KPNB1: variants seen among roughly 807,000 people sequenced by gnomAD.
KPNB1 encodes karyopherin subunit beta 1, also known as importin subunit beta-1.
In KPNB1, 7 loss-of-function variants were observed where a neutral mutation model predicts 113.0. That is an observed-to-expected ratio of 0.06 (90% CI 0.04 to 0.12). The LOEUF is 0.12. Ranked by LOEUF, KPNB1 falls within the 10% of genes least tolerant of loss-of-function variation. The pLI is 1.00. For missense variants in KPNB1, 400 were observed against 1,054.8 expected (o/e 0.38, Z 8.60); for synonymous variants, 363 against 378.6 (o/e 0.96, Z 0.48).
chr17:47,650,717 G>T (rs1265446444), intron 2 of KPNB1, among the ~76,000 whole-genome samples: 1 of 152,220 alleles, frequency 6.6e-6, no homozygotes, highest in Non-Finnish European at 1.5e-5. Flanking sequence ...CGGCGGTGCA[G>T]CGGGAGGGAG....
intron 3 of KPNB1, among the ~76,000 whole-genome samples, chr17:47,654,363 C>T (rs1915660606): frequency 6.7e-6 from 1 of 148,726 alleles, no homozygotes; most frequent in Admixed American, 6.8e-5. Context: ...TGTGGTGAGC[C>T]AAGATTGCGC....
rs927889031 is a variant in KPNB1 at position 47,652,935 on chromosome 17, G to T, written c.282+59G>T. On this transcript the variant is annotated intron_variant, in intron 3 of 21. Coordinates refer to ENST00000290158, the MANE Select transcript of KPNB1 (RefSeq NM_002265.6). ...CAGAGAACAAGAAATCGCTTTCTCA[G>T]ATCTTTTGCTATTTGCATGGGATAG... is the stretch of plus-strand genomic sequence containing the variant. 4 of 1,350,608 alleles carry T rather than the reference G, an allele frequency of 3.0e-6. No individual in the cohort carries two copies. In the African/African-American group the frequency reaches 4.4e-5, roughly 15 times the overall value. The allele number at this position is 1,350,608 out of a possible 1,614,324, so 83.7% of individuals were successfully genotyped here.
Position 47,650,461 on chromosome 17 carries a change from C to T in KPNB1, c.99+17C>T. On this transcript the variant is annotated intron_variant, in intron 2 of 21. Transcript: ENST00000290158. ...GAGAACCTGGTGCGTGCTACCCCGC[C>T]GCGCCCATCCCGCCGCGTCCCCATC... The T allele has an allele frequency of 6.3e-7, 1 of 1,595,156 alleles. No homozygotes were observed. Among genetic ancestry groups the T allele is most frequent in the Non-Finnish European group, 8.5e-7 (1 of 1,172,602 alleles).
chr17:47,652,573 A>G (rs2143083260), intron 2 of KPNB1, 121 bp from the exon 3 acceptor site: 3 of 650,632 alleles, frequency 4.6e-6, no homozygotes. Context: ...TATATCAAAA[A>G]AAAATTAGAC....
In KPNB1 at chr17:47,684,783, G is replaced by A. The variant is rs2030894055; in HGVS notation, c.*2379G>A. 6.5e-6 allele frequency: 1 copy of A among 152,752 alleles called. No individual in the cohort carries two copies. The highest frequency in any genetic ancestry group is 1.5e-5 in the Non-Finnish European group (1 of 68,094). 9.5% of individuals were successfully genotyped at this position (152,752 alleles called of 1,614,324 possible). ...GGAGAGGAGGAAAATGGGCTGGTTG[G>A]ATGTGGTCTTGGTGCCTTGCAGTTA... On this transcript the variant is annotated 3_prime_UTR_variant, in exon 22 of 22. Coordinates refer to ENST00000290158, the MANE Select transcript of KPNB1 (RefSeq NM_002265.6).
chr17:47,667,365 G>C (rs182234829), intron 9 of KPNB1, among the ~76,000 whole-genome samples: 266 of 152,006 alleles, frequency 1.7e-3, no homozygotes, highest in Non-Finnish European at 2.9e-3. Flanking sequence ...GACCTCAAGT[G>C]ATCTGCCTGC....
intron 2 of KPNB1, 58 bp from the exon 3 acceptor site, chr17:47,652,636 C>A (rs1915612875): frequency 7.2e-7 from 1 of 1,387,350 alleles, no homozygotes; most frequent in Non-Finnish European, 9.7e-7. Context: ...TATAAATTAT[C>A]CTCAGTTGTG....
Position 47,652,841 on chromosome 17 carries a change from A to G in KPNB1, c.247A>G (p.Ile83Val), listed in dbSNP as rs200458673. ...ACAATATCAGCAGAGGTGGCTTGCTATTGATGCTAATGCTCGACGAGAAGT... is the reference window on the plus strand; with the variant it reads ...ACAATATCAGCAGAGGTGGCTTGCTGTTGATGCTAATGCTCGACGAGAAGT... Reference protein sequence around the residue: ...KAQYQQRWLAIDANARREVKN... With the variant: ...KAQYQQRWLAVDANARREVKN... The change falls in exon 3 of 22, where the codon ATT (isoleucine) becomes GTT (valine). Residue 83 changes from isoleucine to valine, a missense_variant. Coordinates refer to ENST00000290158, the MANE Select transcript of KPNB1 (RefSeq NM_002265.6). 529 of 1,606,334 alleles carry G rather than the reference A, an allele frequency of 3.3e-4. 1 individual carries two copies. Among genetic ancestry groups the G allele is most frequent in the Non-Finnish European group, 4.0e-4 (470 of 1,177,504 alleles).
chr17:47,677,314 C>CA (rs1399653246), intron 17 of KPNB1, among the ~76,000 whole-genome samples, 187 bp downstream of exon 17: 5 of 151,086 alleles, frequency 3.3e-5, no homozygotes, highest in East Asian at 1.9e-4. Flanking sequence ...ACTGTAGATA[C>CA]AAAAAAAATT....
chr17:47,652,206 G>GA (rs1915598756), intron 2 of KPNB1, among the ~76,000 whole-genome samples: 1 of 152,124 alleles, frequency 6.6e-6, no homozygotes, highest in African/African-American at 2.4e-5. Flanking sequence ...CCATGAGATG[G>GA]AAAGTTGGAT....
intron 3 of KPNB1, among the ~76,000 whole-genome samples, chr17:47,654,651 CAG>C (rs764623747): frequency 2.0e-5 from 3 of 152,072 alleles, no homozygotes; most frequent in Non-Finnish European, 4.4e-5. Flanking sequence ...CTAGTTTAAA[CAG>C]AAAACTTTTA....
intron 8 of KPNB1, 36 bp from the exon 9 acceptor site, chr17:47,665,021 T>A: frequency 6.5e-7 from 1 of 1,540,364 alleles, no homozygotes; most frequent in South Asian, 1.1e-5. Flanking sequence ...CAGAGCTCGG[T>A]TGCTTTTGTC....
chr17:47,678,599 C>G, intron 19 of KPNB1, 186 bp downstream of exon 19: 1 of 572,376 alleles, frequency 1.7e-6, no homozygotes, highest in Non-Finnish European at 3.1e-6. Context: ...TGTTTTTGCT[C>G]TGCTTCTTCT....
intron 9 of KPNB1, among the ~76,000 whole-genome samples, chr17:47,666,695 T>A (rs1405241465): frequency 6.6e-6 from 1 of 151,268 alleles, no homozygotes; most frequent in Non-Finnish European, 1.5e-5. Flanking sequence ...CTCGGCTCAC[T>A]GTAGCCTCCG....
chr17:47,676,487 A>T lies in KPNB1; in HGVS notation c.1991A>T (p.Tyr664Phe). Residue 664 changes from tyrosine (Y) to phenylalanine (F), a missense_variant, in exon 16 of 22, where the codon TAC (tyrosine) becomes TTC (phenylalanine). By Grantham distance (22) the Tyr-to-Phe change is conservative. Coordinates refer to ENST00000290158, the MANE Select transcript of KPNB1 (RefSeq NM_002265.6). Reference protein sequence around the residue: ...LGIGLKNYAEYQVCLAAVGLV... With the variant: ...LGIGLKNYAEFQVCLAAVGLV... ...ATTGGATTAAAAAATTATGCTGAAT[A>T]CCAGGTAGGATGTGCTTTTCAAAAT... is the stretch of plus-strand genomic sequence containing the variant. 1 of 1,608,336 alleles carries T rather than the reference A, an allele frequency of 6.2e-7. No homozygotes were observed. Among genetic ancestry groups the T allele is most frequent in the Middle Eastern group, 1.7e-4 (1 of 6,054 alleles).
chr17:47,663,518 G>A (rs1158251463), intron 7 of KPNB1, among the ~76,000 whole-genome samples: 1 of 152,042 alleles, frequency 6.6e-6, no homozygotes, highest in Non-Finnish European at 1.5e-5. Context: ...ACAAAAATTA[G>A]CTGAACGTGG....
In KPNB1 at chr17:47,679,955, C is replaced by G. The variant is rs370788873; in HGVS notation, c.2354-65C>G. On this transcript the variant is annotated intron_variant, in intron 19 of 21. Coordinates refer to ENST00000290158, the MANE Select transcript of KPNB1 (RefSeq NM_002265.6). ...CTTGTGATCCACCCGCCTGGGCCTC[C>G]TAAAGTGCTGGGTTTACAGGCATGA... The G allele has an allele frequency of 6.0e-5, 62 of 1,025,676 alleles. No individual in the cohort carries two copies. The African/African-American group carries it at 9.3e-4, about 15-fold the overall frequency. The allele number at this position is 1,025,676 out of a possible 1,614,324, so 63.5% of individuals were successfully genotyped here.
chr17:47,667,433 C>CT lies in KPNB1; in HGVS notation c.1000-747dup, dbSNP rs141522245. ...TGAGCCACTGCACTGCACCTTGCCT[C>CT]TTTTTTGAACTTTTGATTGAATCAT... On this transcript the variant is annotated intron_variant, in intron 9 of 21. Transcript: ENST00000290158. 8.1e-3 allele frequency among the ~76,000 whole-genome samples: 1,218 copies of CT among 150,794 alleles called. 18 individuals are homozygous for CT. Among genetic ancestry groups the CT allele is most frequent in the African/African-American group, 0.027 (1,093 of 41,050 alleles).
chr17:47,650,523 C>G lies in KPNB1; in HGVS notation c.99+79C>G, dbSNP rs538030558. The G allele has an allele frequency of 6.9e-5, 92 of 1,336,698 alleles. No homozygotes were observed. In the African/African-American group the frequency reaches 1.2e-3, roughly 17 times the overall value. 82.8% of individuals were successfully genotyped at this position (1,336,698 alleles called of 1,614,324 possible). ...GGGCCTTCCCGCCCTCCCGGAGGCC[C>G]AGGCCTCGGGAACCTACCCCGCCCC... is the stretch of plus-strand genomic sequence containing the variant. On this transcript the variant is annotated intron_variant, in intron 2 of 21. Transcript: ENST00000290158.
Sources: gnomAD v4.1 joint callset for allele counts (sites outside exome capture counted in the v4.1 genomes callset) on GRCh38, gnomAD v4.1.1 for gene constraint, MANE v1.5 for transcripts, NCBI Gene and HGNC (gene_info 2026-07-23, HGNC 2026-07-21) for gene names.